LUZP2: variants seen among roughly 807,000 people sequenced by gnomAD.
LUZP2 encodes leucine zipper protein 2.
A neutral mutation model predicts 51.6 loss-of-function variants in LUZP2; 52 were observed. That is an observed-to-expected ratio of 1.01 (90% CI 0.81 to 1.27). The LOEUF (loss-of-function observed/expected upper bound fraction) is 1.27. Ranked by LOEUF, LUZP2 falls within the 50% of genes most tolerant of loss-of-function variation. The pLI is 0.00. For missense variants in LUZP2, 436 were observed against 395.4 expected (o/e 1.10, Z -0.87); for synonymous variants, 154 against 137.3 (o/e 1.12, Z -0.85).
At chr11:24,623,263 CG>C (rs1444525480) in intron 1 of LUZP2, among the ~76,000 whole-genome samples, 1 of 149,682 alleles carries the variant, frequency 6.7e-6, no homozygotes, top group Non-Finnish European at 1.5e-5. Flanking sequence ...AAAAAATTTA[CG>C]GGACTTAAAG....
chr11:24,718,052 C>T (rs1858122524), intron 1 of LUZP2, among the ~76,000 whole-genome samples: 1 of 152,150 alleles, frequency 6.6e-6, no homozygotes, highest in South Asian at 2.1e-4. Flanking sequence ...AGAAAGAACA[C>T]TTCAACCATA....
intron 1 of LUZP2, among the ~76,000 whole-genome samples, chr11:24,536,390 G>A (rs549614124): frequency 2.0e-4 from 30 of 151,942 alleles, no homozygotes; most frequent in Admixed American, 6.6e-4. Flanking sequence ...AAAATCTGTT[G>A]TTTAGTGTAG....
At chr11:24,620,240 AT>A (rs1361479256) in intron 1 of LUZP2, among the ~76,000 whole-genome samples, 1 of 149,600 alleles carries the variant, frequency 6.7e-6, no homozygotes, top group African/African-American at 2.5e-5. Flanking sequence ...AGGGAATAAT[AT>A]TTTACAGATT....
intron 1 of LUZP2, among the ~76,000 whole-genome samples, chr11:24,727,403 TA>T (rs952470463): frequency 2.0e-5 from 3 of 152,042 alleles, no homozygotes; most frequent in African/African-American, 7.2e-5. Context: ...TCCGTGCCTA[TA>T]AAATAGGTAC....
At chr11:24,800,392 ATT>A (rs1236142525) in intron 5 of LUZP2, among the ~76,000 whole-genome samples, 1 of 152,024 alleles carries the variant, frequency 6.6e-6, no homozygotes, top group Non-Finnish European at 1.5e-5. Context: ...GGTATATGAC[ATT>A]GTCACTATCA....
chr11:24,585,998 T>C (rs1015715478), intron 1 of LUZP2, among the ~76,000 whole-genome samples: 1 of 152,164 alleles, frequency 6.6e-6, no homozygotes, highest in Admixed American at 6.6e-5. Flanking sequence ...TCCATGTATA[T>C]TAAATTTTCC....
At chr11:24,972,037 G>A (rs1178656129) in intron 7 of LUZP2, among the ~76,000 whole-genome samples, 1 of 150,180 alleles carries the variant, frequency 6.7e-6, no homozygotes, top group Non-Finnish European at 1.5e-5. Context: ...AACTACTTAA[G>A]AGGCTGAGGC....
At chr11:24,788,091 T>C (rs533823301) in intron 5 of LUZP2, among the ~76,000 whole-genome samples, 1 of 152,250 alleles carries the variant, frequency 6.6e-6, no homozygotes, top group African/African-American at 2.4e-5. Flanking sequence ...AGTGGGCCCT[T>C]ACTACTTCGA....
chr11:24,768,899 T>C (rs948484611), intron 5 of LUZP2, among the ~76,000 whole-genome samples: 1 of 152,222 alleles, frequency 6.6e-6, no homozygotes, highest in African/African-American at 2.4e-5. Flanking sequence ...CTACTTGTTA[T>C]ATATCCAAAG....
intron 1 of LUZP2, among the ~76,000 whole-genome samples, chr11:24,507,178 CA>C: frequency 6.6e-6 from 1 of 152,124 alleles, no homozygotes; most frequent in African/African-American, 2.4e-5. Flanking sequence ...CTTAAAAATA[CA>C]TATTTCAGTT....
At chr11:24,666,862 A>G (rs1300556453) in intron 1 of LUZP2, among the ~76,000 whole-genome samples, 2 of 152,218 alleles carry the variant, frequency 1.3e-5, no homozygotes, top group African/African-American at 4.8e-5. Flanking sequence ...GATCTTGCTG[A>G]AAAATCTGGA....
intron 5 of LUZP2, among the ~76,000 whole-genome samples, chr11:24,787,360 C>A (rs530162027): frequency 7.9e-5 from 12 of 152,136 alleles, no homozygotes; most frequent in Admixed American, 7.2e-4. Context: ...AAGACATAAT[C>A]ATAAAATCTA....
At chr11:25,027,479 T>G (rs1194982632) in intron 9 of LUZP2, among the ~76,000 whole-genome samples, 7 of 152,178 alleles carry the variant, frequency 4.6e-5, no homozygotes, top group Non-Finnish European at 8.8e-5. Context: ...GTTTTTATTT[T>G]TAGTCTATAT....
chr11:24,859,384 C>T (rs1851666747), intron 5 of LUZP2, among the ~76,000 whole-genome samples: 1 of 152,084 alleles, frequency 6.6e-6, no homozygotes, highest in African/African-American at 2.4e-5. Context: ...CACTTTAAAC[C>T]ATATACAAAT....
intron 5 of LUZP2, among the ~76,000 whole-genome samples, chr11:24,772,790 G>T (rs1052089482): frequency 2.6e-5 from 4 of 152,150 alleles, no homozygotes; most frequent in Non-Finnish European, 5.9e-5. Context: ...TCTTTGGCTT[G>T]TAGTGGTATC....
chr11:24,920,217 T>G (rs1013116434), intron 7 of LUZP2, among the ~76,000 whole-genome samples: 1 of 152,004 alleles, frequency 6.6e-6, no homozygotes, highest in Non-Finnish European at 1.5e-5. Flanking sequence ...GTGATTGTGT[T>G]TGTTGTTTAT....
At chr11:24,529,560 T>G (rs1223005729) in intron 1 of LUZP2, among the ~76,000 whole-genome samples, 1 of 151,122 alleles carries the variant, frequency 6.6e-6, no homozygotes, top group Admixed American at 6.6e-5. Flanking sequence ...AAACAAATGC[T>G]AATGTGTCCA....
At chr11:24,626,357 C>G (rs1172513182) in intron 1 of LUZP2, among the ~76,000 whole-genome samples, 3 of 152,166 alleles carry the variant, frequency 2.0e-5, no homozygotes, top group Non-Finnish European at 4.4e-5. Flanking sequence ...TAGCAAGCAG[C>G]AGGCTTTAAA....
intron 5 of LUZP2, among the ~76,000 whole-genome samples, chr11:24,782,516 G>A (rs774497503): frequency 7.3e-5 from 11 of 151,242 alleles, no homozygotes; most frequent in Non-Finnish European, 1.5e-4. Flanking sequence ...TAGAGCATCT[G>A]AAAAAAAAAT....
Sources: gnomAD v4.1 joint callset for allele counts (sites outside exome capture counted in the v4.1 genomes callset) on GRCh38, gnomAD v4.1.1 for gene constraint, MANE v1.5 for transcripts, NCBI Gene and HGNC (gene_info 2026-07-23, HGNC 2026-07-21) for gene names.